The following NTRK3 variants were observed in gnomAD, a reference collection of about 807,000 sequenced individuals.
The protein encoded by NTRK3 is NT-3 growth factor receptor.
A neutral mutation model predicts 91.7 loss-of-function variants in NTRK3; 24 were observed. That is an observed-to-expected ratio of 0.26 (90% CI 0.19 to 0.37). NTRK3 has a LOEUF of 0.37. NTRK3 is among the 10% of genes least tolerant of loss of function. NTRK3 has a pLI of 1.00. For synonymous variants in NTRK3, 483 were observed against 404.0 expected, an observed-to-expected ratio of 1.20 and a Z score of -2.34; for missense variants, 880 against 1,068.9, an observed-to-expected ratio of 0.82 and a Z score of 2.46.
intron 3 of NTRK3, among the ~76,000 whole-genome samples, chr15:88,227,947 G>C (rs2050825510): frequency 6.6e-6 from 1 of 152,066 alleles, no homozygotes; most frequent in African/African-American, 2.4e-5. Context: ...CCTTCTTCAT[G>C]TTCACTGGCA....
chr15:87,997,936 T>G (rs1223743836), intron 14 of NTRK3, among the ~76,000 whole-genome samples: 1 of 152,176 alleles, frequency 6.6e-6, no homozygotes, highest in South Asian at 2.1e-4. Flanking sequence ...TTTTCCAATC[T>G]GTAAAAGGGA....
chr15:88,032,944 T>C (rs2078686891), exon 14 of NTRK3: 5 of 1,613,344 alleles, frequency 3.1e-6, no homozygotes, highest in Non-Finnish European at 4.2e-6. Flanking sequence ...ATGACCACAG[T>C]GTCGGGCCCG....
At chr15:88,218,895 C>G (rs1313015288) in intron 3 of NTRK3, among the ~76,000 whole-genome samples, 1 of 152,204 alleles carries the variant, frequency 6.6e-6, no homozygotes, top group Non-Finnish European at 1.5e-5. Flanking sequence ...GTTTGTAAAC[C>G]CAGCCAGTAT....
chr15:87,979,233 G>A (rs2073989791), intron 14 of NTRK3: 1 of 858,622 alleles, frequency 1.2e-6, no homozygotes, highest in Non-Finnish European at 2.0e-6. Context: ...GGCTCATGCA[G>A]TTTCTACTTA....
At chr15:88,115,944 C>A (rs2052015962) in intron 13 of NTRK3, among the ~76,000 whole-genome samples, 1 of 152,040 alleles carries the variant, frequency 6.6e-6, no homozygotes, top group South Asian at 2.1e-4. Context: ...CTCAACATTT[C>A]ATTCCAGATC....
chr15:87,942,145 G>T (rs990272779), intron 14 of NTRK3, among the ~76,000 whole-genome samples: 5 of 152,204 alleles, frequency 3.3e-5, no homozygotes, highest in African/African-American at 1.2e-4. Context: ...CAGAGTCCTT[G>T]GTATCCCCAC....
At chr15:88,136,229 C>A (rs1330460617) in intron 8 of NTRK3, among the ~76,000 whole-genome samples, 189 bp from the exon 9 acceptor site, 2 of 152,250 alleles carry the variant, frequency 1.3e-5, no homozygotes, top group African/African-American at 4.8e-5. Flanking sequence ...CTCCTATTAA[C>A]CCTATGAGGT....
intron 5 of NTRK3, among the ~76,000 whole-genome samples, chr15:88,179,319 T>C (rs1335487880): frequency 6.6e-6 from 1 of 152,160 alleles, no homozygotes; most frequent in African/African-American, 2.4e-5. Flanking sequence ...CCATGAGCTA[T>C]AGTGGAAAGA....
chr15:88,007,224 A>G (rs544681898), intron 14 of NTRK3, among the ~76,000 whole-genome samples: 1 of 152,320 alleles, frequency 6.6e-6, no homozygotes, highest in South Asian at 2.1e-4. Flanking sequence ...ATCCTTATTT[A>G]CAGACAAGGA....
intron 5 of NTRK3, among the ~76,000 whole-genome samples, chr15:88,149,329 G>A (rs2043169567): frequency 1.3e-5 from 2 of 152,144 alleles, no homozygotes. Context: ...GGGTACTGGA[G>A]GAGAAGGGAA....
intron 13 of NTRK3, among the ~76,000 whole-genome samples, chr15:88,054,406 C>T (rs748657893): frequency 6.6e-5 from 10 of 152,170 alleles, no homozygotes; most frequent in Non-Finnish European, 1.2e-4. Flanking sequence ...TTCAGCCCCA[C>T]ACATGAGCAA....
At chr15:87,944,976 T>G (rs2070305047) in intron 14 of NTRK3, among the ~76,000 whole-genome samples, 2 of 152,152 alleles carry the variant, frequency 1.3e-5, no homozygotes, top group African/African-American at 4.8e-5. Context: ...GGCCAAAAAG[T>G]GATGGATTTT....
At chr15:87,981,571 G>T (rs533710352) in intron 14 of NTRK3, among the ~76,000 whole-genome samples, 2 of 152,272 alleles carry the variant, frequency 1.3e-5, no homozygotes, top group African/African-American at 4.8e-5. Context: ...TGGCATTATA[G>T]AAATGGCACA....
intron 3 of NTRK3, among the ~76,000 whole-genome samples, chr15:88,216,897 A>T (rs938183309): frequency 2.1e-4 from 32 of 152,192 alleles, no homozygotes; most frequent in African/African-American, 6.5e-4. Context: ...TCCCATTAGG[A>T]TAAGAACTAT....
intron 17 of NTRK3, among the ~76,000 whole-genome samples, chr15:87,892,948 T>C (rs1357198911): frequency 6.6e-6 from 1 of 152,232 alleles, no homozygotes; most frequent in Non-Finnish European, 1.5e-5. Flanking sequence ...GTTCATCAGA[T>C]GTGTTAAAGG....
intron 13 of NTRK3, among the ~76,000 whole-genome samples, chr15:88,090,156 A>G (rs1173744078): frequency 2.6e-5 from 4 of 151,890 alleles, no homozygotes; most frequent in Admixed American, 2.6e-4. Flanking sequence ...AGCCCTCTCC[A>G]CCAGCCTGTG....
chr15:87,967,804 T>C (rs1596454290), intron 14 of NTRK3, among the ~76,000 whole-genome samples: 1 of 152,350 alleles, frequency 6.6e-6, no homozygotes, highest in Middle Eastern at 3.4e-3. Context: ...TGAACATGCA[T>C]GGTTGTAGCC....
intron 17 of NTRK3, among the ~76,000 whole-genome samples, chr15:87,903,735 G>C (rs1012318477): frequency 6.6e-6 from 1 of 152,164 alleles, no homozygotes; most frequent in Non-Finnish European, 1.5e-5. Context: ...ACAGGGGACT[G>C]TATTGGTTTT....
intron 18 of NTRK3, among the ~76,000 whole-genome samples, chr15:87,877,901 T>A (rs1286090036): frequency 6.6e-6 from 1 of 152,094 alleles, no homozygotes; most frequent in African/African-American, 2.4e-5. Context: ...AAAGGGACTG[T>A]ATGGCCCAAC....
Sources: allele counts gnomAD v4.1 joint callset (sites outside exome capture counted in the v4.1 genomes callset), GRCh38; gene constraint gnomAD v4.1.1; transcripts MANE v1.5; gene names NCBI Gene and HGNC (gene_info 2026-07-23, HGNC 2026-07-21).